Variants in CKAP2L observed in about 807,000 individuals in gnomAD.
The protein encoded by CKAP2L is cytoskeleton-associated protein 2-like.
In CKAP2L, 42 loss-of-function variants were observed where a neutral mutation model predicts 65.7. The ratio of observed to expected loss-of-function variants is 0.64; its 90% CI spans 0.50 to 0.83. The LOEUF is 0.83. Among genes scored for constraint, CKAP2L ranks in the 40% least tolerant of loss-of-function variants. CKAP2L has a pLI of 0.00. For synonymous variants in CKAP2L, 325 were observed against 313.5 expected, an observed-to-expected ratio of 1.04 and a Z score of -0.39; for missense variants, 908 against 871.0, an observed-to-expected ratio of 1.04 and a Z score of -0.53.
Position 112,757,066 on chromosome 2 carries a change from CT to C in CKAP2L, c.304del (p.Arg102GlyfsTer2), listed in dbSNP as rs1456356561. 6 of 1,614,056 alleles carry C rather than the reference CT, an allele frequency of 3.7e-6. No individual in the cohort carries two copies. Among genetic ancestry groups the C allele is most frequent in the Non-Finnish European group, 5.1e-6 (6 of 1,180,042 alleles). ...KLEPPKLLGK[R>X]LTSECVSSNP... The stretch of plus-strand genomic sequence containing the variant: ...AGAAGAAACACATTCTGAAGTCAGC[CT>C]TTTGCCCAGAAGTTTTGGTGGCTCC... On this transcript the variant is annotated frameshift_variant, in exon 4 of 9. Transcript: ENST00000302450. LOFTEE classifies it high-confidence loss of function.
chr2:112,753,413 G>A (rs1680437235), intron 4 of CKAP2L, among the ~76,000 whole-genome samples: 2 of 152,042 alleles, frequency 1.3e-5, no homozygotes, highest in South Asian at 4.2e-4. Flanking sequence ...TATTTTCCAA[G>A]GCAGAAAGGC....
intron 3 of CKAP2L, among the ~76,000 whole-genome samples, chr2:112,758,768 T>C (rs1204445007): frequency 6.6e-6 from 1 of 152,220 alleles, no homozygotes; most frequent in Admixed American, 6.6e-5. Context: ...TTCACCATTT[T>C]AGTAAGTGCA....
In CKAP2L at chr2:112,737,932, A is replaced by C. The variant is rs1679435468; in HGVS notation, c.*891T>G. 1 of 152,138 alleles carries C rather than the reference A, an allele frequency of 6.6e-6. No individual in the cohort carries two copies. Among genetic ancestry groups the C allele is most frequent in the Non-Finnish European group, 1.5e-5 (1 of 68,042 alleles). 9.4% of individuals were successfully genotyped at this position (152,138 alleles called of 1,614,324 possible). On this transcript the variant is annotated 3_prime_UTR_variant, in exon 9 of 9. Transcript: ENST00000302450. ...TTAAATATTAAGAAAGCTAAAATTT[A>C]AAATGTGTTGACTAGGTTTTTCTAC... is the stretch of plus-strand genomic sequence containing the variant.
In CKAP2L at chr2:112,752,401, T is replaced by C. The variant is rs1680399425; in HGVS notation, c.1468A>G (p.Arg490Gly). The change falls in exon 5 of 9, where the codon AGA becomes GGA. Residue 490 changes from arginine (R) to glycine (G), a missense_variant. Transcript: ENST00000302450. ...ATATTCATTTCCTTTATTACTTTTC[T>C]TTTTGTTTTAAGTTCCATAGGAGGC... ...KRPPMELKTK[R>G]KVIKEMNISF... 4 of 1,612,896 alleles carry C rather than the reference T, an allele frequency of 2.5e-6. No individual in the cohort carries two copies. The highest frequency in any genetic ancestry group is 3.4e-6 in the Non-Finnish European group (4 of 1,179,040).
chr2:112,740,027 AG>A (rs1679788763), intron 8 of CKAP2L, among the ~76,000 whole-genome samples: 1 of 152,116 alleles, frequency 6.6e-6, no homozygotes, highest in Admixed American at 6.6e-5. Context: ...CAATCTTGGC[AG>A]ACTTGCCTGC....
rs1436511948 is a variant in CKAP2L at position 112,756,956 on chromosome 2, C to T, written c.415G>A (p.Val139Met). ...STTGELSRKP[V>M]GSLNIEQLKT... is the part of the protein sequence containing the mutation. ...AATTGCTCTATATTAAGTGACCCCA[C>T]AGGTTTTCTTGACAGTTCTCCTGTT... Residue 139 changes from valine to methionine, a missense_variant, in exon 4 of 9, where the codon GTG becomes ATG. By Grantham distance (21) the Val-to-Met change is conservative. Coordinates refer to ENST00000302450, the MANE Select transcript of CKAP2L (RefSeq NM_152515.5). The T allele has an allele frequency of 6.2e-7, 1 of 1,614,124 alleles. No homozygotes were observed. The highest frequency in any genetic ancestry group is 8.5e-7 in the Non-Finnish European group (1 of 1,180,048).
In CKAP2L at chr2:112,739,032, C is replaced by A; in HGVS notation, c.2029G>T (p.Glu677Ter). 1 of 1,613,892 alleles carries A rather than the reference C, an allele frequency of 6.2e-7. No homozygotes were observed. The highest frequency in any genetic ancestry group is 8.5e-7 in the Non-Finnish European group (1 of 1,179,854). Residue 677 changes from glutamate to a stop codon, truncating the protein, a stop_gained, in exon 9 of 9, where the codon GAA (glutamate) becomes TAA (stop). Transcript: ENST00000302450. LOFTEE classifies it high-confidence loss of function. ...GTGATAAATTTCATGTCTTGCACTT[C>A]CGGCATCCCATTTATTCTGAGAGAC... ...GPIPRINGMPEVQDMKFITPV... is the reference protein window; with the variant it reads ...GPIPRINGMP
At chr2:112,761,994 C>A (rs991441241) in intron 2 of CKAP2L, among the ~76,000 whole-genome samples, 2 of 152,142 alleles carry the variant, frequency 1.3e-5, no homozygotes, top group African/African-American at 4.8e-5. Flanking sequence ...AATAACACGA[C>A]AAAGATGGTA....
In CKAP2L at chr2:112,760,743, A is replaced by G. The variant is rs769454699; in HGVS notation, c.126T>C (p.Asn42=). Reference sequence around the variant, plus strand: ...TAGAAGGTGGTTGATTCTGGCAATTATTCTTGGATTTTAGATAAGGCCTAT... The same window carrying G: ...TAGAAGGTGGTTGATTCTGGCAATTGTTCTTGGATTTTAGATAAGGCCTAT... ...QNTKPYLKSK[N]NCQNQPPSKS... The change falls in exon 3 of 9, where the codon AAT becomes AAC. Residue 42 remains asparagine (N), a synonymous_variant. Coordinates refer to ENST00000302450, the MANE Select transcript of CKAP2L (RefSeq NM_152515.5). 1.3e-6 allele frequency: 2 copies of G among 1,518,616 alleles called. No homozygotes were observed. Among genetic ancestry groups the G allele is most frequent in the Admixed American group, 3.7e-5 (2 of 54,736 alleles). 94.1% of individuals were successfully genotyped at this position (1,518,616 alleles called of 1,614,324 possible).
chr2:112,747,573 G>T (rs1049375003), intron 5 of CKAP2L, among the ~76,000 whole-genome samples: 1 of 152,164 alleles, frequency 6.6e-6, no homozygotes, highest in Admixed American at 6.5e-5. Context: ...ATTTGAAATG[G>T]ATTCACTGGT....
intron 8 of CKAP2L, 96 bp downstream of exon 8, chr2:112,740,722 G>T (rs1007440401): frequency 1.0e-6 from 1 of 966,252 alleles, no homozygotes; most frequent in Non-Finnish European, 1.6e-6. Context: ...CTCACTGCAG[G>T]TCAGGTCTCA....
intron 5 of CKAP2L, among the ~76,000 whole-genome samples, chr2:112,751,111 G>A (rs1283649180): frequency 6.6e-6 from 1 of 151,944 alleles, no homozygotes; most frequent in Non-Finnish European, 1.5e-5. Flanking sequence ...AAAGAAACAC[G>A]GTCCAGATGA....
intron 1 of CKAP2L, among the ~76,000 whole-genome samples, chr2:112,763,511 C>T (rs1680796239): frequency 6.6e-6 from 1 of 151,878 alleles, no homozygotes; most frequent in Non-Finnish European, 1.5e-5. Context: ...AACTTTCAAA[C>T]TAGTAGTGGA....
intron 5 of CKAP2L, among the ~76,000 whole-genome samples, chr2:112,750,373 C>T (rs1680333565): frequency 1.3e-5 from 2 of 152,190 alleles, no homozygotes; most frequent in Admixed American, 1.3e-4. Context: ...AAGTGCCTGA[C>T]AATTCTTGTC....
rs1297553238 is a variant in CKAP2L, at chr2:112,757,070, T to C, written c.301A>G (p.Lys101Glu). 3.7e-6 allele frequency: 6 copies of C among 1,614,100 alleles called. No homozygotes were observed. Among genetic ancestry groups the C allele is most frequent in the Non-Finnish European group, 5.1e-6 (6 of 1,180,050 alleles). The change falls in exon 4 of 9, where the codon AAA (lysine) becomes GAA (glutamate). Residue 101 changes from lysine to glutamate, a missense_variant. Physicochemically the swap from Lys to Glu is moderately conservative, Grantham distance 56. Coordinates refer to ENST00000302450, the MANE Select transcript of CKAP2L (RefSeq NM_152515.5). Reference sequence around the variant, plus strand: ...GAAACACATTCTGAAGTCAGCCTTTTGCCCAGAAGTTTTGGTGGCTCCAAC... The same window carrying C: ...GAAACACATTCTGAAGTCAGCCTTTCGCCCAGAAGTTTTGGTGGCTCCAAC... ...PKLEPPKLLG[K>E]RLTSECVSSN...
At chr2:112,752,612 C>T (rs537886286) in intron 4 of CKAP2L, 138 bp from the exon 5 acceptor site, 2 of 645,756 alleles carry the variant, frequency 3.1e-6, no homozygotes, top group Non-Finnish European at 5.2e-6. Flanking sequence ...AATTAAAAAA[C>T]AATTTACAAA....
At chr2:112,762,682 A>G in intron 1 of CKAP2L, 113 bp from the exon 2 acceptor site, 1 of 784,296 alleles carries the variant, frequency 1.3e-6, no homozygotes, top group Non-Finnish European at 2.2e-6. Flanking sequence ...TTGCAACATA[A>G]TGTTATAAAA....
chr2:112,749,009 G>A (rs982217092), intron 5 of CKAP2L, among the ~76,000 whole-genome samples: 3 of 152,176 alleles, frequency 2.0e-5, no homozygotes, highest in African/African-American at 7.2e-5. Context: ...ACACAGAAAT[G>A]AGGAAAAAAT....
chr2:112,748,859 T>C (rs1416517398), intron 5 of CKAP2L, among the ~76,000 whole-genome samples: 1 of 149,156 alleles, frequency 6.7e-6, no homozygotes, highest in East Asian at 1.9e-4. Context: ...AGTGAAACCC[T>C]GTCTCTTAAA....
Sources: allele counts gnomAD v4.1 joint callset (sites outside exome capture counted in the v4.1 genomes callset), GRCh38; gene constraint gnomAD v4.1.1; transcripts MANE v1.5; gene names NCBI Gene and HGNC (gene_info 2026-07-23, HGNC 2026-07-21).